The following FOXP2 variants were observed in gnomAD, a reference collection of about 807,000 sequenced individuals.
FOXP2 encodes forkhead box P2.
A neutral mutation model predicts 115.8 loss-of-function variants in FOXP2; 12 were observed. The ratio of observed to expected loss-of-function variants is 0.10; its 90% confidence interval spans 0.07 to 0.17. The LOEUF (loss-of-function observed/expected upper bound fraction) is 0.17. Among genes scored for constraint, FOXP2 ranks in the 10% least tolerant of loss-of-function variants. The probability of loss-of-function intolerance (pLI) is 1.00; values close to 1 mark genes in which losing one functional copy is unlikely to be tolerated. For synonymous variants in FOXP2, 328 were observed against 297.7 expected (o/e 1.10, Z -1.05); for missense variants, 629 against 843.5 (o/e 0.75, Z 3.15).
At chr7:114,188,453 T>C (rs1016998549) in intron 1 of FOXP2, among the ~76,000 whole-genome samples, 1 of 152,220 alleles carries the variant, frequency 6.6e-6, no homozygotes, top group African/African-American at 2.4e-5. Flanking sequence ...CCTTATACTT[T>C]GGGTCTCATT....
intron 16 of FOXP2, among the ~76,000 whole-genome samples, chr7:114,680,590 G>C (rs756862297): frequency 2.0e-5 from 3 of 152,024 alleles, no homozygotes; most frequent in Non-Finnish European, 4.4e-5. Flanking sequence ...TCACTGGAAA[G>C]ACTATACCCC....
At chr7:114,239,926 A>G (rs1795109071) in intron 1 of FOXP2, among the ~76,000 whole-genome samples, 1 of 152,174 alleles carries the variant, frequency 6.6e-6, no homozygotes. Flanking sequence ...TGTATATGGC[A>G]CGCCTGATTT....
intron 3 of FOXP2, among the ~76,000 whole-genome samples, chr7:114,546,102 C>G (rs1304938962): frequency 3.3e-5 from 5 of 152,202 alleles, no homozygotes; most frequent in South Asian, 2.1e-4. Flanking sequence ...GTATATAACT[C>G]TATCAAGCCC....
intron 2 of FOXP2, among the ~76,000 whole-genome samples, chr7:114,369,200 T>C (rs749960124): frequency 6.6e-6 from 1 of 152,198 alleles, no homozygotes; most frequent in Admixed American, 6.5e-5. Flanking sequence ...TCTTTTCTAG[T>C]GTAGGAAGTC....
chr7:114,555,846 G>T (rs575976763), intron 3 of FOXP2, among the ~76,000 whole-genome samples: 6 of 152,106 alleles, frequency 3.9e-5, no homozygotes, highest in African/African-American at 1.4e-4. Flanking sequence ...AGGAAGGGAT[G>T]AAAGTTACAT....
chr7:114,633,624 A>G (rs886276668), intron 6 of FOXP2, among the ~76,000 whole-genome samples: 43 of 152,326 alleles, frequency 2.8e-4, no homozygotes, highest in African/African-American at 9.6e-4. Context: ...TGTAAGCCAC[A>G]CAAACCGGCA....
At chr7:114,594,411 G>C (rs2129309879) in intron 3 of FOXP2, among the ~76,000 whole-genome samples, 1 of 152,076 alleles carries the variant, frequency 6.6e-6, no homozygotes, top group African/African-American at 2.4e-5. Flanking sequence ...TTTCACAGCT[G>C]CCCAATCAGT....
intron 2 of FOXP2, among the ~76,000 whole-genome samples, chr7:114,476,281 T>C (rs1199314274): frequency 2.6e-5 from 4 of 152,014 alleles, no homozygotes; most frequent in Admixed American, 2.0e-4. Flanking sequence ...TTGATTGATT[T>C]TGAGTTAATT....
At chr7:114,165,466 C>T (rs1792955018) in intron 1 of FOXP2, among the ~76,000 whole-genome samples, 1 of 152,144 alleles carries the variant, frequency 6.6e-6, no homozygotes, top group African/African-American at 2.4e-5. Flanking sequence ...CAATTGCTTT[C>T]TCAGATGCCA....
At chr7:114,171,455 C>T (rs866561991) in intron 1 of FOXP2, among the ~76,000 whole-genome samples, 5 of 152,108 alleles carry the variant, frequency 3.3e-5, no homozygotes, top group Admixed American at 6.5e-5. Flanking sequence ...TGCCTGTAGT[C>T]CCAGCTACTT....
At position 114,276,720 on chromosome 7, in the gene FOXP2, A is replaced by G. The variant is rs557229549; in HGVS notation, c.-101-11299A>G. 2.6e-5 allele frequency among the ~76,000 whole-genome samples: 4 copies of G among 151,804 alleles called. No individual in the cohort carries two copies. The South Asian group carries it at 8.3e-4, about 32-fold the overall frequency. ...ATAGGACTCCTTGGTTTTATTGTCT[A>G]CCTCTTCAGTCCTGGGGCCAGTGGT... On this transcript the variant is annotated intron_variant, in intron 1 of 17. Transcript: ENST00000634411.
chr7:114,548,514 C>G (rs1023169890), intron 3 of FOXP2, among the ~76,000 whole-genome samples: 6 of 152,148 alleles, frequency 3.9e-5, no homozygotes, highest in Non-Finnish European at 7.4e-5. Context: ...GATGTTATGA[C>G]TTGAAATACT....
intron 2 of FOXP2, among the ~76,000 whole-genome samples, chr7:114,348,334 G>A (rs958284675): frequency 8.6e-5 from 13 of 151,638 alleles, no homozygotes; most frequent in African/African-American, 3.1e-4. Flanking sequence ...ATCCTTTACT[G>A]TCTTTCCTCT....
At chr7:114,617,824 T>C (rs145173075) in intron 3 of FOXP2, among the ~76,000 whole-genome samples, 70 of 152,200 alleles carry the variant, frequency 4.6e-4, no homozygotes, top group African/African-American at 1.6e-3. Flanking sequence ...GAAATGCTTA[T>C]TGAAAAAATG....
chr7:114,101,178 A>G (rs1021188736), intron 1 of FOXP2, among the ~76,000 whole-genome samples: 1 of 152,158 alleles, frequency 6.6e-6, no homozygotes, highest in Non-Finnish European at 1.5e-5. Context: ...GAGGAACCCC[A>G]TGTTTAGGAA....
intron 3 of FOXP2, among the ~76,000 whole-genome samples, chr7:114,543,076 C>T (rs1413412988): frequency 6.6e-6 from 1 of 151,928 alleles, no homozygotes; most frequent in Non-Finnish European, 1.5e-5. Flanking sequence ...CCACCATACC[C>T]GGCCTGTTCT....
At chr7:114,438,654 C>G (rs989082786) in intron 2 of FOXP2, among the ~76,000 whole-genome samples, 1 of 151,856 alleles carries the variant, frequency 6.6e-6, no homozygotes, top group African/African-American at 2.4e-5. Flanking sequence ...TAATTCATTT[C>G]AAAGAGAAAT....
At chr7:114,199,279 CA>C (rs1370798097) in intron 1 of FOXP2, among the ~76,000 whole-genome samples, 2 of 152,128 alleles carry the variant, frequency 1.3e-5, no homozygotes, top group Non-Finnish European at 2.9e-5. Flanking sequence ...GAGAATTTGA[CA>C]CATAAAATTA....
chr7:114,664,132 A>C, intron 15 of FOXP2, 141 bp from the exon 16 acceptor site: 1 of 951,040 alleles, frequency 1.1e-6, no homozygotes, highest in Non-Finnish European at 1.6e-6. Flanking sequence ...GCCAGTTAGG[A>C]ATTTTTTTTC....
Sources: allele counts gnomAD v4.1 joint callset (sites outside exome capture counted in the v4.1 genomes callset), GRCh38; gene constraint gnomAD v4.1.1; transcripts MANE v1.5; gene names NCBI Gene and HGNC (gene_info 2026-07-23, HGNC 2026-07-21).